Variants in ASB5 observed in about 807,000 individuals in gnomAD.
ASB5 encodes ankyrin repeat and SOCS box protein 5.
In ASB5, 45 loss-of-function variants were observed where a neutral mutation model predicts 42.1. The observed-to-expected ratio is 1.07, with a 90% CI of 0.84 to 1.37. The LOEUF is 1.37. ASB5 is among the 40% of genes most tolerant of loss of function. The pLI is 0.00. For missense variants in ASB5, 402 were observed against 399.8 expected (o/e 1.01, Z -0.05); for synonymous variants, 147 against 150.6 (o/e 0.98, Z 0.18).
chr4:176,249,310 C>G (rs1753974168), intron 1 of ASB5, among the ~76,000 whole-genome samples: 10 of 152,170 alleles, frequency 6.6e-5, no homozygotes, highest in Admixed American at 6.5e-4. Flanking sequence ...ACTCTGTAAA[C>G]AAAGTTCTGA....
chr4:176,218,736 TATAA>T (rs1191004490), intron 5 of ASB5, among the ~76,000 whole-genome samples: 3 of 28,694 alleles, frequency 1.0e-4, no homozygotes, highest in South Asian at 1.3e-3. Flanking sequence ...TTGTATGATA[TATAA>T]ATATATATAT....
upstream of ASB5, among the ~76,000 whole-genome samples, chr4:176,273,236 T>C (rs1754506945): frequency 6.6e-6 from 1 of 152,180 alleles, no homozygotes; most frequent in Non-Finnish European, 1.5e-5. Flanking sequence ...TTCAGCATAA[T>C]GGCGACATGT....
At chr4:176,234,448 CT>C (rs1045205763) in intron 1 of ASB5, among the ~76,000 whole-genome samples, 1 of 152,170 alleles carries the variant, frequency 6.6e-6, no homozygotes, top group Non-Finnish European at 1.5e-5. Flanking sequence ...TCAGAGAGGC[CT>C]TCTTGACAAC....
chr4:176,268,385 A>G (rs1754400672), intron 1 of ASB5, among the ~76,000 whole-genome samples: 1 of 152,310 alleles, frequency 6.6e-6, no homozygotes, highest in Middle Eastern at 3.4e-3. Flanking sequence ...CATGTCGTCA[A>G]TCTTCTTTGT....
chr4:176,269,181 C>A lies in ASB5; in HGVS notation c.-73G>T. 1 of 1,387,936 alleles carries A rather than the reference C, an allele frequency of 7.2e-7. No individual in the cohort carries two copies. The highest frequency in any genetic ancestry group is 1.3e-5 in the South Asian group (1 of 74,510). 86.0% of individuals were successfully genotyped at this position (1,387,936 alleles called of 1,614,324 possible). A position where few individuals can be genotyped will look rare whatever the true frequency, so the allele number is the denominator to read the frequency against. On this transcript the variant is annotated 5_prime_UTR_variant, in exon 1 of 7. Transcript: ENST00000296525. ...ATGTGCCTGGCTCTCGTCCGGGATG[C>A]TCCTGAACAGCTGGTCCTGAGGAAA...
At chr4:176,241,038 C>A (rs1753800330) in intron 1 of ASB5, among the ~76,000 whole-genome samples, 1 of 152,170 alleles carries the variant, frequency 6.6e-6, no homozygotes, top group Admixed American at 6.5e-5. Context: ...CCCACTTTCC[C>A]ACAAAAACTC....
intron 1 of ASB5, chr4:176,241,483 C>T: frequency 6.5e-7 from 1 of 1,535,556 alleles, no homozygotes; most frequent in Non-Finnish European, 8.7e-7. Flanking sequence ...AAATTTCCAC[C>T]ATTGCAAAGA....
intron 1 of ASB5, among the ~76,000 whole-genome samples, chr4:176,261,425 A>G (rs1333859884): frequency 1.3e-5 from 2 of 152,182 alleles, no homozygotes; most frequent in Admixed American, 6.5e-5. Context: ...TCTGACTTTT[A>G]GATATATGCT....
intron 1 of ASB5, among the ~76,000 whole-genome samples, chr4:176,243,882 T>A (rs1340443331): frequency 6.6e-6 from 1 of 152,216 alleles, no homozygotes; most frequent in Admixed American, 6.5e-5. Flanking sequence ...TGGGCACATC[T>A]TTCTTGATCC....
At chr4:176,220,390 A>G (rs1753168901) in intron 5 of ASB5, among the ~76,000 whole-genome samples, 2 of 152,210 alleles carry the variant, frequency 1.3e-5, no homozygotes, top group Admixed American at 1.3e-4. Flanking sequence ...GGATCGAATG[A>G]TTCTCATAAA....
intron 1 of ASB5, among the ~76,000 whole-genome samples, chr4:176,264,535 T>C (rs943877175): frequency 6.6e-6 from 1 of 152,132 alleles, no homozygotes; most frequent in Non-Finnish European, 1.5e-5. Context: ...ATGAAAAGAA[T>C]ACATTAAATA....
chr4:176,273,490 A>G (rs560591383), upstream of ASB5, among the ~76,000 whole-genome samples: 17 of 152,314 alleles, frequency 1.1e-4, no homozygotes, highest in African/African-American at 4.1e-4. Flanking sequence ...TGGAACCCTT[A>G]GATGTTCATT....
intron 2 of ASB5, among the ~76,000 whole-genome samples, chr4:176,222,838 C>T (rs1419214035): frequency 3.9e-5 from 6 of 152,226 alleles, no homozygotes; most frequent in South Asian, 2.1e-4. Flanking sequence ...AGTGCAGTGG[C>T]GCAATCTCGG....
chr4:176,246,292 T>C (rs1376425736), intron 1 of ASB5, among the ~76,000 whole-genome samples: 1 of 152,236 alleles, frequency 6.6e-6, no homozygotes, highest in Non-Finnish European at 1.5e-5. Flanking sequence ...AATGATGCTA[T>C]TCGATGAGAT....
chr4:176,275,558 C>T (rs1385308597), intron 2 of ASB5, among the ~76,000 whole-genome samples: 1 of 152,200 alleles, frequency 6.6e-6, no homozygotes, highest in African/African-American at 2.4e-5. Context: ...ACACAGTCAA[C>T]TTAGTACTCT....
At chr4:176,236,684 G>A (rs569589195) in intron 1 of ASB5, among the ~76,000 whole-genome samples, 10 of 152,028 alleles carry the variant, frequency 6.6e-5, no homozygotes, top group African/African-American at 1.4e-4. Context: ...ATCTTGGGGG[G>A]CAAGAGTCAT....
At chr4:176,254,414 A>G (rs900526807) in intron 1 of ASB5, among the ~76,000 whole-genome samples, 15 of 152,136 alleles carry the variant, frequency 9.9e-5, no homozygotes, top group Non-Finnish European at 4.4e-5. Context: ...ATTAATTCAA[A>G]ATTGATTAAA....
intron 5 of ASB5, 102 bp downstream of exon 5, chr4:176,221,053 A>G (rs1363295459): frequency 1.5e-6 from 2 of 1,342,852 alleles, no homozygotes; most frequent in Non-Finnish European, 2.0e-6. Context: ...AAATAAGAAC[A>G]TTTTTTAGCA....
chr4:176,270,652 G>T (rs1754452142), upstream of ASB5, among the ~76,000 whole-genome samples: 2 of 152,152 alleles, frequency 1.3e-5, no homozygotes, highest in Non-Finnish European at 2.9e-5. Flanking sequence ...TAGACCCAGT[G>T]TGCCATTTCA....
Sources: allele counts gnomAD v4.1 joint callset (sites outside exome capture counted in the v4.1 genomes callset), GRCh38; gene constraint gnomAD v4.1.1; transcripts MANE v1.5; gene names NCBI Gene and HGNC (gene_info 2026-07-23, HGNC 2026-07-21).